Variants in ART3 observed in about 807,000 individuals in gnomAD.
The protein encoded by ART3 is ecto-ADP-ribosyltransferase 3.
A neutral mutation model predicts 48.5 loss-of-function variants in ART3; 49 were observed. That is an observed-to-expected ratio of 1.01 (90% CI 0.80 to 1.28). The LOEUF is 1.28. ART3 is among the 50% of genes most tolerant of loss of function. ART3 has a pLI of 0.00. For synonymous variants in ART3, 145 were observed against 157.2 expected, an observed-to-expected ratio of 0.92 and a Z score of 0.58; for missense variants, 438 against 454.3, an observed-to-expected ratio of 0.96 and a Z score of 0.33.
At chr4:76,109,260 T>C (rs1440483201) in intron 11 of ART3, among the ~76,000 whole-genome samples, 1 of 152,196 alleles carries the variant, frequency 6.6e-6, no homozygotes, top group African/African-American at 2.4e-5. Context: ...TTTTTAACTT[T>C]TTAAACTTTT....
chr4:76,011,809 G>A (rs1350397216), intron 1 of ART3, among the ~76,000 whole-genome samples: 1 of 152,188 alleles, frequency 6.6e-6, no homozygotes, highest in Admixed American at 6.5e-5. Context: ...CTAGTTTCCT[G>A]GGCTTCGTTT....
intron 1 of ART3, among the ~76,000 whole-genome samples, chr4:76,040,450 A>ACGCGCG (rs779849511): frequency 1.4e-5 from 2 of 146,134 alleles, no homozygotes; most frequent in African/African-American, 5.1e-5. Flanking sequence ...ACACACACAC[A>ACGCGCG]CACACACACA....
intron 1 of ART3, among the ~76,000 whole-genome samples, chr4:76,048,171 T>G (rs553541028): frequency 1.3e-5 from 2 of 151,968 alleles, no homozygotes; most frequent in African/African-American, 2.4e-5. Context: ...GAGGTCCTCC[T>G]GTAGGATGTA....
chr4:76,045,571 G>C (rs1735424100), intron 1 of ART3, among the ~76,000 whole-genome samples: 1 of 152,036 alleles, frequency 6.6e-6, no homozygotes, highest in Non-Finnish European at 1.5e-5. Context: ...GCCACTGGTT[G>C]TGGGGTTGTC....
intron 1 of ART3, among the ~76,000 whole-genome samples, chr4:76,058,261 G>C (rs964410999): frequency 1.3e-5 from 2 of 152,100 alleles, no homozygotes; most frequent in African/African-American, 4.8e-5. Flanking sequence ...GTCAGCTATT[G>C]TAACAATGAC....
At chr4:76,019,493 G>T (rs1387471979) in intron 1 of ART3, among the ~76,000 whole-genome samples, 2 of 141,482 alleles carry the variant, frequency 1.4e-5, no homozygotes, top group African/African-American at 5.3e-5. Context: ...GCAATTCTTG[G>T]CTGGGCACCC....
chr4:76,068,770 G>C (rs1049463317), intron 1 of ART3, among the ~76,000 whole-genome samples: 3 of 152,144 alleles, frequency 2.0e-5, no homozygotes, highest in African/African-American at 7.2e-5. Context: ...ACCTACACAT[G>C]TACCCTTGAG....
intron 3 of ART3, among the ~76,000 whole-genome samples, chr4:76,084,949 A>G (rs116404598): frequency 2.6e-5 from 4 of 152,100 alleles, no homozygotes; most frequent in Non-Finnish European, 5.9e-5. Context: ...AATATATTGT[A>G]TTTTATATGT....
chr4:76,036,968 T>G (rs1734478397), intron 1 of ART3: 1 of 181,240 alleles, frequency 5.5e-6, no homozygotes, highest in East Asian at 1.6e-4. Flanking sequence ...GTGAGTTTGG[T>G]CAGGCGCCCA....
chr4:76,076,469 A>G (rs1721107072), intron 2 of ART3, among the ~76,000 whole-genome samples: 3 of 152,242 alleles, frequency 2.0e-5, no homozygotes, highest in African/African-American at 7.2e-5. Context: ...AAGCAAAAAG[A>G]GGAAAGTAAA....
rs1190804477 is a variant in ART3, at chr4:76,038,985, A to C, written c.-10+27665A>C. 3.9e-5 allele frequency among the ~76,000 whole-genome samples: 6 copies of C among 152,246 alleles called. No homozygotes were observed. In the East Asian group the frequency reaches 1.2e-3, roughly 29 times the overall value. On this transcript the variant is annotated intron_variant, in intron 1 of 9. Coordinates refer to the ART3 transcript ENST00000341029. ...TGATCCTGCCGCCTTGGCCTCCCAAAGTGCTGGGATTACAGGCGTGAGCCA... is the reference window on the plus strand; with the variant it reads ...TGATCCTGCCGCCTTGGCCTCCCAACGTGCTGGGATTACAGGCGTGAGCCA...
At chr4:76,079,929 CACAG>C (rs1314968069) in intron 2 of ART3, among the ~76,000 whole-genome samples, 6 of 150,612 alleles carry the variant, frequency 4.0e-5, no homozygotes, top group East Asian at 1.9e-4. Context: ...CACACACACA[CACAG>C]AGAGAGAGAG....
intron 1 of ART3, among the ~76,000 whole-genome samples, chr4:76,039,983 T>C (rs1200115806): frequency 6.6e-6 from 1 of 152,260 alleles, no homozygotes; most frequent in Non-Finnish European, 1.5e-5. Context: ...TTTTATTTTC[T>C]ATTGTTTTAT....
At chr4:76,086,059 TC>T (rs67789570) in intron 3 of ART3, among the ~76,000 whole-genome samples, 15,822 of 130,674 alleles carry the variant, frequency 0.12, 951 homozygotes, top group South Asian at 0.18. Context: ...TCAACAAGAG[TC>T]CCCCCCCCCG....
Position 76,075,963 on chromosome 4 carries a change from T to A in ART3, c.69+5T>A, listed in dbSNP as rs373735934. 1 of 1,610,000 alleles carries A rather than the reference T, an allele frequency of 6.2e-7. No individual in the cohort carries two copies. Among genetic ancestry groups the A allele is most frequent in the Non-Finnish European group, 8.5e-7 (1 of 1,177,816 alleles). ...ATTCTAGTGGACATTTTCCAGGTAA[T>A]GTTGGGAATGGGAAGCATGTGGTCA... On this transcript the variant is annotated splice_donor_5th_base_variant and intron_variant, in intron 2 of 11. Transcript: ENST00000355810.
intron 1 of ART3, chr4:76,036,326 G>C (rs1041665056): frequency 9.7e-6 from 3 of 309,902 alleles, no homozygotes; most frequent in Non-Finnish European, 1.8e-5. Context: ...TTTAATTGTC[G>C]GACTACTTTG....
intron 1 of ART3, among the ~76,000 whole-genome samples, chr4:76,064,654 T>C (rs1442686880): frequency 6.6e-6 from 1 of 152,088 alleles, no homozygotes; most frequent in African/African-American, 2.4e-5. Flanking sequence ...GAACTACTGA[T>C]GGAAGCTGGG....
At chr4:76,063,197 G>C (rs1009709171) in intron 1 of ART3, among the ~76,000 whole-genome samples, 1 of 152,046 alleles carries the variant, frequency 6.6e-6, no homozygotes, top group Non-Finnish European at 1.5e-5. Context: ...TGGAGGCAGG[G>C]ATTTTTATTT....
intron 8 of ART3, 79 bp downstream of exon 8, chr4:76,101,098 C>T (rs369690305): frequency 1.5e-5 from 24 of 1,553,336 alleles, no homozygotes; most frequent in African/African-American, 6.9e-5. Context: ...GGAAGAATGT[C>T]GTGGTAAGAA....
Sources: allele counts gnomAD v4.1 joint callset (sites outside exome capture counted in the v4.1 genomes callset), GRCh38; gene constraint gnomAD v4.1.1; transcripts MANE v1.5; gene names NCBI Gene and HGNC (gene_info 2026-07-23, HGNC 2026-07-21).